The following NRXN3 variants were observed in gnomAD, a reference collection of about 807,000 sequenced individuals.
NRXN3 encodes the protein neurexin 3, also known as neurexin III.
Under a neutral mutation model 137.6 loss-of-function variants are expected in NRXN3, and 32 were observed. The observed-to-expected ratio is 0.23, with a 90% confidence interval of 0.18 to 0.31. NRXN3 has a LOEUF of 0.31. NRXN3 is among the 10% of genes least tolerant of loss of function. NRXN3 has a pLI of 1.00. For missense variants in NRXN3, 1,574 were observed against 2,062.5 expected (o/e 0.76, Z 4.59); for synonymous variants, 798 against 784.5 (o/e 1.02, Z -0.29).
intron 16 of NRXN3, among the ~76,000 whole-genome samples, chr14:79,572,458 A>G (rs1316303186): frequency 6.6e-6 from 1 of 152,198 alleles, no homozygotes; most frequent in East Asian, 1.9e-4. Context: ...GAAATAATGC[A>G]TGTAACTTGC....
intron 16 of NRXN3, among the ~76,000 whole-genome samples, chr14:79,483,712 G>A (rs1463933733): frequency 1.3e-5 from 2 of 152,138 alleles, no homozygotes; most frequent in Non-Finnish European, 2.9e-5. Context: ...TTATGCTGCA[G>A]ATGCCAAGAT....
chr14:79,833,432 T>C (rs757402268), intron 20 of NRXN3, among the ~76,000 whole-genome samples: 12 of 152,234 alleles, frequency 7.9e-5, no homozygotes, highest in Admixed American at 2.0e-4. Context: ...CTCGTAGGTA[T>C]ATATAACTCT....
intron 4 of NRXN3, among the ~76,000 whole-genome samples, chr14:78,542,632 C>T (rs889676041): frequency 2.0e-5 from 3 of 152,166 alleles, no homozygotes; most frequent in African/African-American, 4.8e-5. Context: ...TCCCCTGACC[C>T]CTTGCACTTC....
rs150250947 is a variant in NRXN3 at position 78,374,980 on chromosome 14, G to C, written c.757+77120G>C. Reference sequence around the variant, plus strand: ...ATCACATAAATATCAGAGCCATACTGGGAAATACCTTTATTAATTAGAAAA... The same window carrying C: ...ATCACATAAATATCAGAGCCATACTCGGAAATACCTTTATTAATTAGAAAA... On this transcript the variant is annotated intron_variant, in intron 4 of 20. Coordinates refer to ENST00000335750, the MANE Select transcript of NRXN3 (RefSeq NM_001330195.2). Among the ~76,000 whole-genome samples, 982 of 152,232 alleles carry C rather than the reference G, an allele frequency of 6.5e-3. 6 individuals are homozygous for C. The highest frequency in any genetic ancestry group is 0.022 in the African/African-American group (922 of 41,526).
At chr14:78,498,499 G>A (rs946666302) in intron 4 of NRXN3, among the ~76,000 whole-genome samples, 4 of 152,166 alleles carry the variant, frequency 2.6e-5, no homozygotes, top group African/African-American at 9.7e-5. Flanking sequence ...ACCTTGGGCA[G>A]ACAGGGCTAG....
At chr14:79,474,054 T>G (rs141339843) in intron 16 of NRXN3, among the ~76,000 whole-genome samples, 114 of 152,254 alleles carry the variant, frequency 7.5e-4, no homozygotes, top group African/African-American at 2.6e-3. Flanking sequence ...CCACACATGG[T>G]TTTGAGAGGC....
At chr14:78,534,850 G>A (rs1456187947) in intron 4 of NRXN3, among the ~76,000 whole-genome samples, 2 of 152,102 alleles carry the variant, frequency 1.3e-5, no homozygotes, top group Admixed American at 6.6e-5. Flanking sequence ...ACCTGTATTT[G>A]TGCAGTATTT....
intron 17 of NRXN3, among the ~76,000 whole-genome samples, chr14:79,670,042 G>C (rs957849067): frequency 6.6e-6 from 1 of 151,928 alleles, no homozygotes; most frequent in African/African-American, 2.4e-5. Flanking sequence ...CTGGTATGAC[G>C]GAGATTCTGA....
intron 15 of NRXN3, among the ~76,000 whole-genome samples, chr14:79,389,530 G>A (rs1454549699): frequency 6.6e-6 from 1 of 152,142 alleles, no homozygotes; most frequent in African/African-American, 2.4e-5. Context: ...TCAAACCATA[G>A]CATTTGGCAA....
chr14:78,681,426 G>A (rs1238655952), intron 6 of NRXN3, among the ~76,000 whole-genome samples: 4 of 152,280 alleles, frequency 2.6e-5, no homozygotes, highest in East Asian at 1.9e-4. Flanking sequence ...TCGGGATTGG[G>A]ATTTGCTTGA....
chr14:79,127,536 A>T (rs373992484), intron 15 of NRXN3, among the ~76,000 whole-genome samples: 32 of 151,838 alleles, frequency 2.1e-4, no homozygotes, highest in African/African-American at 3.4e-4. Context: ...TTGATCTATA[A>T]CTCTGTTTTG....
At chr14:78,436,696 C>A (rs912051108) in intron 4 of NRXN3, among the ~76,000 whole-genome samples, 2 of 152,164 alleles carry the variant, frequency 1.3e-5, no homozygotes, top group African/African-American at 4.8e-5. Context: ...CAGGCACATG[C>A]GGCTAGTGAG....
chr14:79,106,303 G>C (rs945627275), intron 15 of NRXN3, among the ~76,000 whole-genome samples: 8 of 152,016 alleles, frequency 5.3e-5, no homozygotes, highest in Non-Finnish European at 8.8e-5. Context: ...CCCAATTCAA[G>C]AGTTGGAACC....
chr14:78,459,817 A>G (rs1358154285), intron 4 of NRXN3, among the ~76,000 whole-genome samples: 2 of 152,168 alleles, frequency 1.3e-5, no homozygotes, highest in East Asian at 1.9e-4. Flanking sequence ...CCACCAAGCA[A>G]TTCTCCAATA....
chr14:78,450,097 A>T (rs977324723), intron 4 of NRXN3, among the ~76,000 whole-genome samples: 1 of 152,206 alleles, frequency 6.6e-6, no homozygotes, highest in Non-Finnish European at 1.5e-5. Flanking sequence ...AATGGATAAA[A>T]CAAGCACTGG....
At chr14:79,655,725 G>C (rs992849265) in intron 16 of NRXN3, among the ~76,000 whole-genome samples, 1 of 151,942 alleles carries the variant, frequency 6.6e-6, no homozygotes, top group Non-Finnish European at 1.5e-5. Context: ...AGCAGCATGC[G>C]TGGCCTCGAC....
At chr14:78,877,283 G>T (rs1042789338) in intron 10 of NRXN3, among the ~76,000 whole-genome samples, 1 of 152,094 alleles carries the variant, frequency 6.6e-6, no homozygotes, top group African/African-American at 2.4e-5. Context: ...GTGCTTATTT[G>T]TAAACATCAT....
At position 78,561,125 on chromosome 14, in the gene NRXN3, G is replaced by A. The variant is rs187081288; in HGVS notation, c.758-83995G>A. Among the ~76,000 whole-genome samples, 165 of 152,242 alleles carry A rather than the reference G, an allele frequency of 1.1e-3. 1 individual carries two copies. The highest frequency in any genetic ancestry group is 3.3e-3 in the African/African-American group (138 of 41,540). ...ATCTTGGACGTTCAGGGACCTATACGCTCAGAAGCTTGGCTGCTTTTTGAT... is the reference window on the plus strand; with the variant it reads ...ATCTTGGACGTTCAGGGACCTATACACTCAGAAGCTTGGCTGCTTTTTGAT... On this transcript the variant is annotated intron_variant, in intron 4 of 20. Coordinates refer to ENST00000335750, the MANE Select transcript of NRXN3 (RefSeq NM_001330195.2).
At chr14:79,711,926 G>C in intron 19 of NRXN3, among the ~76,000 whole-genome samples, 1 of 152,124 alleles carries the variant, frequency 6.6e-6, no homozygotes, top group East Asian at 1.9e-4. Flanking sequence ...CTTTTAGCTA[G>C]AGAGTTTCCT....
Sources: allele counts gnomAD v4.1 joint callset (sites outside exome capture counted in the v4.1 genomes callset), GRCh38; gene constraint gnomAD v4.1.1; transcripts MANE v1.5; gene names NCBI Gene and HGNC (gene_info 2026-07-23, HGNC 2026-07-21).